Variants in PANK2 observed in about 807,000 individuals in gnomAD.
The protein encoded by PANK2 is pantothenate kinase 2, mitochondrial.
Under a neutral mutation model 43.1 loss-of-function variants are expected in PANK2, and 36 were observed. The observed-to-expected ratio is 0.84, with a 90% CI of 0.64 to 1.10. The LOEUF is 1.10. PANK2 is among the 50% of genes least tolerant of loss of function. The probability of loss-of-function intolerance (pLI) is 0.00; values close to 1 mark genes in which losing one functional copy is unlikely to be tolerated. For missense variants in PANK2, 576 were observed against 593.3 expected, an observed-to-expected ratio of 0.97 and a Z score of 0.30; for synonymous variants, 281 against 238.2, an observed-to-expected ratio of 1.18 and a Z score of -1.66.
intron 1 of PANK2, 189 bp downstream of exon 1, chr20:3,889,917 C>G (rs1312257723): frequency 6.5e-7 from 1 of 1,531,892 alleles, no homozygotes; most frequent in Non-Finnish European, 8.7e-7. Context: ...CTTCGGGGGC[C>G]CCCCCGCACC....
At chr20:3,889,131 G>A (rs886044063), upstream of PANK2, 5 of 1,558,942 alleles carry the variant, frequency 3.2e-6, no homozygotes, top group Non-Finnish European at 4.3e-6. Flanking sequence ...CCACCCACGC[G>A]TCCATTGGGC....
chr20:3,926,285 G>T lies in PANK2; in HGVS notation c.*2991G>T, dbSNP rs952772595. 6.6e-6 allele frequency: 1 copy of T among 152,338 alleles called. No individual in the cohort carries two copies. Among genetic ancestry groups the T allele is most frequent in the Admixed American group, 6.5e-5 (1 of 15,282 alleles). The allele number at this position is 152,338 out of a possible 1,614,324, so 9.4% of individuals were successfully genotyped here. On this transcript the variant is annotated 3_prime_UTR_variant, in exon 7 of 7. Coordinates refer to ENST00000610179, the MANE Select transcript of PANK2 (RefSeq NM_001386393.1). The stretch of plus-strand genomic sequence containing the variant: ...CAAGGGGGATTTCATGAGTTCTAAG[G>T]TAGGGTGAGAAAAATAACCGAGAGT...
In PANK2 at chr20:3,889,501, A is replaced by C; in HGVS notation, c.71A>C (p.Glu24Ala). The C allele has an allele frequency of 6.8e-7, 1 of 1,465,894 alleles. No homozygotes were observed. The highest frequency in any genetic ancestry group is 1.4e-5 in the South Asian group (1 of 73,316). The allele number at this position is 1,465,894 out of a possible 1,614,324, so 90.8% of individuals were successfully genotyped here. Residue 24 changes from glutamate (E) to alanine (A), a missense_variant, in exon 1 of 7, where the codon GAG becomes GCG. Coordinates refer to ENST00000610179, the MANE Select transcript of PANK2 (RefSeq NM_001386393.1). ...GGGGGCCGGCTCGGCGCGCCCATGGAGCGCCACGGCAGGGCTTCCGCCACC... is the reference window on the plus strand; with the variant it reads ...GGGGGCCGGCTCGGCGCGCCCATGGCGCGCCACGGCAGGGCTTCCGCCACC...
At chr20:3,907,822 T>A (rs1322092784) in intron 1 of PANK2, 104 bp from the exon 2 acceptor site, 1 of 994,250 alleles carries the variant, frequency 1.0e-6, no homozygotes, top group Non-Finnish European at 1.5e-6. Flanking sequence ...CCTAGAATTA[T>A]GTTCTTTGGA....
chr20:3,919,018 C>T (rs929729583), intron 6 of PANK2, among the ~76,000 whole-genome samples: 1 of 152,142 alleles, frequency 6.6e-6, no homozygotes, highest in South Asian at 2.1e-4. Flanking sequence ...GCAGTCCTCC[C>T]ACCTCAGTCT....
intron 6 of PANK2, 108 bp downstream of exon 6, chr20:3,918,904 C>G: frequency 6.3e-7 from 1 of 1,579,138 alleles, no homozygotes; most frequent in South Asian, 1.1e-5. Context: ...TGCAGTGTTT[C>G]TTTTGTTTTT....
intron 4 of PANK2, among the ~76,000 whole-genome samples, chr20:3,913,090 T>C (rs971538050): frequency 7.9e-5 from 12 of 152,156 alleles, no homozygotes; most frequent in Non-Finnish European, 1.6e-4. Flanking sequence ...CAACCATCAC[T>C]GTAATCCCAA....
Position 3,890,079 on chromosome 20 carries a change from C to T in PANK2, c.298+351C>T, listed in dbSNP as rs111986367. On this transcript the variant is annotated intron_variant, in intron 1 of 6. Coordinates refer to ENST00000610179, the MANE Select transcript of PANK2 (RefSeq NM_001386393.1). Reference sequence around the variant, plus strand: ...TTGACTCATTTCCACCTCCTTTCCTCCCAAATCCTTTGAATCCCCAATGTT... The same window carrying T: ...TTGACTCATTTCCACCTCCTTTCCTTCCAAATCCTTTGAATCCCCAATGTT... The T allele has an allele frequency of 2.8e-4, 155 of 562,650 alleles. 2 individuals carry two copies. In the African/African-American group the frequency reaches 2.8e-3, roughly 10 times the overall value. The allele number at this position is 562,650 out of a possible 1,614,324, so 34.9% of individuals were successfully genotyped here. A position where few individuals can be genotyped will look rare whatever the true frequency, so the allele number is the denominator to read the frequency against.
chr20:3,910,804 T>G lies in PANK2; in HGVS notation c.879T>G (p.Asp293Glu). 1.2e-6 allele frequency: 2 copies of G among 1,614,202 alleles called. No homozygotes were observed. The highest frequency in any genetic ancestry group is 1.7e-6 in the Non-Finnish European group (2 of 1,180,024). The change falls in exon 3 of 7, where the codon GAT becomes GAG. Residue 293 changes from aspartate (D) to glutamate (E), a missense_variant. Asp to Glu is a conservative substitution (Grantham distance 45). Transcript: ENST00000610179. ...GCATCTTAGCAGTATATTCCAAAGA[T>G]AATTACAAACGGGTCACAGGTACTA... is the stretch of plus-strand genomic sequence containing the variant.
At chr20:3,913,352 C>T (rs1479815990) in intron 4 of PANK2, among the ~76,000 whole-genome samples, 1 of 151,936 alleles carries the variant, frequency 6.6e-6, no homozygotes, top group African/African-American at 2.4e-5. Context: ...AATAATATTT[C>T]TTTTTTCTGA....
At chr20:3,894,236 G>T (rs2090169190) in intron 1 of PANK2, among the ~76,000 whole-genome samples, 1 of 147,626 alleles carries the variant, frequency 6.8e-6, no homozygotes, top group Admixed American at 6.8e-5. Flanking sequence ...TGACCGAAAA[G>T]ATGTTGTTTG....
At chr20:3,909,229 T>C (rs958254491) in intron 2 of PANK2, among the ~76,000 whole-genome samples, 17 of 152,008 alleles carry the variant, frequency 1.1e-4, no homozygotes, top group African/African-American at 3.6e-4. Context: ...TACAGGCATG[T>C]GCCACCACGC....
intron 1 of PANK2, among the ~76,000 whole-genome samples, chr20:3,903,446 C>CA (rs1568564842): frequency 7.1e-6 from 1 of 140,864 alleles, no homozygotes; most frequent in South Asian, 2.3e-4. Context: ...CGACGCCCGG[C>CA]TTTTTTTTTT....
At chr20:3,918,052 T>TA (rs2090590171) in intron 5 of PANK2, among the ~76,000 whole-genome samples, 1 of 152,226 alleles carries the variant, frequency 6.6e-6, no homozygotes, top group Non-Finnish European at 1.5e-5. Context: ...TTATTCTTGA[T>TA]ATGGGGCTTA....
chr20:3,916,262 G>A (rs914317753), intron 4 of PANK2, among the ~76,000 whole-genome samples: 21 of 152,068 alleles, frequency 1.4e-4, no homozygotes, highest in South Asian at 2.1e-4. Flanking sequence ...ATTGTTTTTC[G>A]TATATTGGGG....
At chr20:3,918,843 G>A (rs1392257488) in intron 6 of PANK2, 47 bp downstream of exon 6, 6 of 1,613,892 alleles carry the variant, frequency 3.7e-6, no homozygotes, top group Non-Finnish European at 5.1e-6. Context: ...CAGAGGGCTT[G>A]TGGGTCACAC....
chr20:3,909,609 A>G (rs1244219389), intron 2 of PANK2, among the ~76,000 whole-genome samples: 1 of 152,132 alleles, frequency 6.6e-6, no homozygotes, highest in Non-Finnish European at 1.5e-5. Context: ...TTTTGTTTTG[A>G]GACGGAGTCT....
chr20:3,893,939 T>G lies in PANK2; in HGVS notation c.298+4211T>G, dbSNP rs1387826476. Among the ~76,000 whole-genome samples, 243 of 149,496 alleles carry G rather than the reference T, an allele frequency of 1.6e-3. 2 individuals are homozygous for G. The highest frequency in any genetic ancestry group is 6.8e-3 in the Middle Eastern group (2 of 294). On this transcript the variant is annotated intron_variant, in intron 1 of 6. Coordinates refer to ENST00000610179, the MANE Select transcript of PANK2 (RefSeq NM_001386393.1). ...TTTTTTGTTTGTTTTTTGTTTTTTT[T>G]TTTTTTTTTTTAGAGGAGTTTCACT...
Position 3,924,408 on chromosome 20 carries a change from G to A in PANK2, c.*1114G>A, listed in dbSNP as rs6052174. On this transcript the variant is annotated 3_prime_UTR_variant, in exon 7 of 7. Coordinates refer to ENST00000610179, the MANE Select transcript of PANK2 (RefSeq NM_001386393.1). ...AGCCTCCCTGCTCCCCTCCGTTTAA[G>A]GCTGTGGTCAGGGAGGGATGGGCAG... 6.6e-6 allele frequency: 1 copy of A among 152,352 alleles called. No individual in the cohort carries two copies. The highest frequency in any genetic ancestry group is 1.9e-4 in the East Asian group (1 of 5,200). 9.4% of individuals were successfully genotyped at this position (152,352 alleles called of 1,614,324 possible).
Sources: allele counts gnomAD v4.1 joint callset (sites outside exome capture counted in the v4.1 genomes callset), GRCh38; gene constraint gnomAD v4.1.1; transcripts MANE v1.5; gene names NCBI Gene and HGNC (gene_info 2026-07-23, HGNC 2026-07-21).